TTC38: variants seen among roughly 807,000 people sequenced by gnomAD.
TTC38 encodes the protein tetratricopeptide repeat domain 38, also known as tetratricopeptide repeat protein 38.
In TTC38, 64 loss-of-function variants were observed where a neutral mutation model predicts 64.2. The observed-to-expected ratio is 1.00, with a 90% CI of 0.81 to 1.23. The LOEUF is 1.23. Ranked by LOEUF, TTC38 falls within the 50% of genes most tolerant of loss-of-function variation. The probability of loss-of-function intolerance (pLI) is 0.00; values close to 1 mark genes in which losing one functional copy is unlikely to be tolerated. For synonymous variants in TTC38, 254 were observed against 249.3 expected, an observed-to-expected ratio of 1.02 and a Z score of -0.18; for missense variants, 573 against 615.5, an observed-to-expected ratio of 0.93 and a Z score of 0.73.
Position 46,275,217 on chromosome 22 carries a change from G to A in TTC38, c.366-31G>A, listed in dbSNP as rs1218220637. ...CCTGTGTGGGTGGACTATGTGTTCA[G>A]CGTTGGTGAGAAATCTTTCTCGGTT... On this transcript the variant is annotated intron_variant, in intron 4 of 13. Transcript: ENST00000381031. This position sits in a 1 kb window ranked among gnomAD's most constrained non-coding sequence, Gnocchi z 4.5. 2.5e-6 allele frequency: 4 copies of A among 1,603,990 alleles called. No homozygotes were observed. The highest frequency in any genetic ancestry group is 2.6e-6 in the Non-Finnish European group (3 of 1,174,312).
At position 46,270,584 on chromosome 22, in the gene TTC38, GCACTT is replaced by G. The variant is rs1432524848; in HGVS notation, c.112-1750_112-1746del. 1.3e-5 allele frequency among the ~76,000 whole-genome samples: 2 copies of G among 152,226 alleles called. No individual in the cohort carries two copies. The highest frequency in any genetic ancestry group is 4.8e-5 in the African/African-American group (2 of 41,458). On this transcript the variant is annotated intron_variant, in intron 2 of 13. Coordinates refer to ENST00000381031, the MANE Select transcript of TTC38 (RefSeq NM_017931.4). The surrounding 1 kb of genome is among the most constrained non-coding windows in gnomAD (Gnocchi z 4.7). Reference sequence around the variant, plus strand: ...GCGGTGACTCACGCCTGTAATCCCAGCACTTTGGGAGGCTGAGGCAGGTGGATCAT... The same window carrying G: ...GCGGTGACTCACGCCTGTAATCCCAGTGGGAGGCTGAGGCAGGTGGATCAT...
chr22:46,268,207 C>A, intron 1 of TTC38, 135 bp downstream of exon 1: 1 of 1,006,354 alleles, frequency 9.9e-7, no homozygotes, highest in South Asian at 1.7e-5. Context: ...GGCGCGTCCG[C>A]GGCAACGCCT....
In TTC38 at chr22:46,271,124, A is replaced by G. The variant is rs761670475; in HGVS notation, c.112-1211A>G. Among the ~76,000 whole-genome samples, 7 of 152,260 alleles carry G rather than the reference A, an allele frequency of 4.6e-5. No individual in the cohort carries two copies. The highest frequency in any genetic ancestry group is 2.1e-4 in the South Asian group (1 of 4,830). On this transcript the variant is annotated intron_variant, in intron 2 of 13. Transcript: ENST00000381031. The surrounding 1 kb of genome is among the most constrained non-coding windows in gnomAD (Gnocchi z 5.5). The stretch of plus-strand genomic sequence containing the variant: ...CTGTGAATATTTTTAAAACGAATGA[A>G]TAAGAAGCAGGAATATTCCTATCGT...
At chr22:46,268,420 G>A in intron 1 of TTC38, 94 bp from the exon 2 acceptor site, 5 of 1,321,012 alleles carry the variant, frequency 3.8e-6, no homozygotes, top group Non-Finnish European at 3.2e-6. Context: ...AGATGAGGAA[G>A]GTGGAGGTCA....
At chr22:46,280,306 C>T (rs1108458) in intron 6 of TTC38, 8,748 of 417,764 alleles carry the variant, frequency 0.021, 142 homozygotes, top group Middle Eastern at 0.068. Flanking sequence ...AGGGAGGAGG[C>T]GGCAAGCCAG....
intron 8 of TTC38, among the ~76,000 whole-genome samples, chr22:46,284,468 A>G (rs1380347817): frequency 6.6e-6 from 1 of 152,230 alleles, no homozygotes; most frequent in Non-Finnish European, 1.5e-5. Context: ...GAATGTCCAT[A>G]AAGTGAGAAA....
Position 46,292,612 on chromosome 22 carries a change from TC to T in TTC38, c.1317-176del. 6.6e-6 allele frequency among the ~76,000 whole-genome samples: 1 copy of T among 152,282 alleles called. No individual in the cohort carries two copies. The highest frequency in any genetic ancestry group is 1.9e-4 in the East Asian group (1 of 5,182). The stretch of plus-strand genomic sequence containing the variant: ...CTTCCTGCACTGGAGGTCTGTGCCC[TC>T]CCATCCTCACCTCTCCCCAAACTGA... On this transcript the variant is annotated intron_variant, in intron 13 of 13. Coordinates refer to ENST00000381031, the MANE Select transcript of TTC38 (RefSeq NM_017931.4). This position sits in a 1 kb window ranked among gnomAD's most constrained non-coding sequence, Gnocchi z 6.5.
At chr22:46,278,331 CTT>C (rs1389770864) in intron 5 of TTC38, among the ~76,000 whole-genome samples, 1 of 152,202 alleles carries the variant, frequency 6.6e-6, no homozygotes, top group Non-Finnish European at 1.5e-5. Flanking sequence ...CTGCCTTGGT[CTT>C]TACCTGCCGC....
rs1053850813 is a variant in TTC38 at position 46,275,056 on chromosome 22, C to T, written c.366-192C>T. Among the ~76,000 whole-genome samples the T allele has an allele frequency of 2.6e-5, 4 of 152,208 alleles. No homozygotes were observed. The highest frequency in any genetic ancestry group is 1.9e-4 in the East Asian group (1 of 5,182). ...CAGGCTGGTCTTGAACTCCTGACCT[C>T]GTGATCCACCTGCCTTGGTCTCCCA... On this transcript the variant is annotated intron_variant, in intron 4 of 13. Coordinates refer to ENST00000381031, the MANE Select transcript of TTC38 (RefSeq NM_017931.4). This position sits in a 1 kb window ranked among gnomAD's most constrained non-coding sequence, Gnocchi z 4.5.
In TTC38 at chr22:46,271,025, A is replaced by G. The variant is rs1400893093; in HGVS notation, c.112-1310A>G. On this transcript the variant is annotated intron_variant, in intron 2 of 13. Coordinates refer to ENST00000381031, the MANE Select transcript of TTC38 (RefSeq NM_017931.4). The surrounding 1 kb of genome is among the most constrained non-coding windows in gnomAD (Gnocchi z 5.5). ...AGATTCTGTCTCAATTAAAAAAAAA[A>G]TGATAAAATGAGCTTTGGGTAAGTT... 6.6e-6 allele frequency among the ~76,000 whole-genome samples: 1 copy of G among 151,954 alleles called. No individual in the cohort carries two copies. The highest frequency in any genetic ancestry group is 1.5e-5 in the Non-Finnish European group (1 of 68,018).
Position 46,281,396 on chromosome 22 carries a change from G to A in TTC38, c.616-203G>A, listed in dbSNP as rs992587729. Among the ~76,000 whole-genome samples the A allele has an allele frequency of 6.6e-6, 1 of 152,216 alleles. No homozygotes were observed. The highest frequency in any genetic ancestry group is 1.5e-5 in the Non-Finnish European group (1 of 68,042). ...CTCAGCTTCCTCATCTGTGAACTGG[G>A]CAGTGAGACCCATGAGCTGGTGTGC... On this transcript the variant is annotated intron_variant, in intron 6 of 13. Transcript: ENST00000381031. The surrounding 1 kb of genome is among the most constrained non-coding windows in gnomAD (Gnocchi z 5.2).
intron 6 of TTC38, 40 bp downstream of exon 6, chr22:46,278,701 G>A: frequency 6.5e-7 from 1 of 1,543,940 alleles, no homozygotes. Context: ...CCCTCAGGGA[G>A]TAGCCGTTGG....
chr22:46,289,769 G>A (rs1601886452), intron 12 of TTC38, 57 bp from the exon 13 acceptor site: 1 of 1,590,628 alleles, frequency 6.3e-7, no homozygotes. Context: ...GGTGGGCGGG[G>A]GCTCGCCTCC....
chr22:46,269,094 C>G (rs578208845), intron 2 of TTC38: 37 of 420,828 alleles, frequency 8.8e-5, no homozygotes, highest in Non-Finnish European at 1.4e-4. Context: ...CTCTGCCCCC[C>G]CCCCACAGCG....
In TTC38 at chr22:46,293,383, C is replaced by T. The variant is rs748098262; in HGVS notation, c.*499C>T. On this transcript the variant is annotated 3_prime_UTR_variant, in exon 14 of 14. Transcript: ENST00000381031. This position sits in a 1 kb window ranked among gnomAD's most constrained non-coding sequence, Gnocchi z 6.6. The stretch of plus-strand genomic sequence containing the variant: ...TGTCCCATTTTTCAGGTGAGGGTAC[C>T]GGGGTAGGGGAGTGGCCTGCCCAGG... 6 of 161,014 alleles carry T rather than the reference C, an allele frequency of 3.7e-5. No homozygotes were observed. The highest frequency in any genetic ancestry group is 6.9e-5 in the Non-Finnish European group (5 of 72,482). 10.0% of individuals were successfully genotyped at this position (161,014 alleles called of 1,614,324 possible). A position where few individuals can be genotyped will look rare whatever the true frequency, so the allele number is the denominator to read the frequency against.
chr22:46,290,008 T>C, intron 13 of TTC38, 109 bp downstream of exon 13: 2 of 962,600 alleles, frequency 2.1e-6, no homozygotes, highest in Non-Finnish European at 3.3e-6. Context: ...CTCCTGCTTC[T>C]GAGGCTGTGA....
At position 46,275,231 on chromosome 22, in the gene TTC38, TC is replaced by T. The variant is rs1162684463; in HGVS notation, c.366-16del. 17 of 1,610,362 alleles carry T rather than the reference TC, an allele frequency of 1.1e-5. No individual in the cohort carries two copies. Among genetic ancestry groups the T allele is most frequent in the Non-Finnish European group, 1.4e-5 (17 of 1,178,498 alleles). On this transcript the variant is annotated splice_polypyrimidine_tract_variant and intron_variant, in intron 4 of 13. Transcript: ENST00000381031. This position sits in a 1 kb window ranked among gnomAD's most constrained non-coding sequence, Gnocchi z 4.5. ...CTATGTGTTCAGCGTTGGTGAGAAA[TC>T]TTTCTCGGTTTCCAGGAACTTTCCG...
rs1256059078 is a variant in TTC38 at position 46,289,330 on chromosome 22, A to G, written c.1083-72A>G. 7 of 1,552,292 alleles carry G rather than the reference A, an allele frequency of 4.5e-6. No individual in the cohort carries two copies. In the African/African-American group the frequency reaches 8.1e-5, roughly 18 times the overall value. ...CTGGACCAGGGACACCTCGCTGAGG[A>G]AGAAATGGCTCTGCCCTTCCCGGAT... On this transcript the variant is annotated intron_variant, in intron 11 of 13. Coordinates refer to ENST00000381031, the MANE Select transcript of TTC38 (RefSeq NM_017931.4).
In TTC38 at chr22:46,291,677, G is replaced by A. The variant is rs577907446; in HGVS notation, c.1317-1114G>A. 2.0e-5 allele frequency among the ~76,000 whole-genome samples: 3 copies of A among 152,306 alleles called. No homozygotes were observed. Among genetic ancestry groups the A allele is most frequent in the East Asian group, 1.9e-4 (1 of 5,180 alleles). The stretch of plus-strand genomic sequence containing the variant: ...ATTTTAAAAGTGCCACAGACAGGCC[G>A]GGCACGGTGGCTCATGCCTGTAATC... On this transcript the variant is annotated intron_variant, in intron 13 of 13. Coordinates refer to ENST00000381031, the MANE Select transcript of TTC38 (RefSeq NM_017931.4). This position sits in a 1 kb window ranked among gnomAD's most constrained non-coding sequence, Gnocchi z 4.6.
Sources: gnomAD v4.1 joint callset for allele counts (sites outside exome capture counted in the v4.1 genomes callset) on GRCh38, gnomAD v4.1.1 for gene constraint, Gnocchi (gnomAD v3.1) non-coding constraint, MANE v1.5 for transcripts, NCBI Gene and HGNC (gene_info 2026-07-23, HGNC 2026-07-21) for gene names.